TMEM39B: variants seen among roughly 807,000 people sequenced by gnomAD.
TMEM39B encodes the protein transmembrane protein 39B.
TMEM39B carries 23 observed loss-of-function variants against 52.2 expected under a neutral mutation model. The observed-to-expected ratio is 0.44, with a 90% CI of 0.32 to 0.62. The LOEUF is 0.62. TMEM39B is among the 20% of genes least tolerant of loss of function. TMEM39B has a pLI of 0.06. For synonymous variants in TMEM39B, 285 were observed against 264.0 expected, an observed-to-expected ratio of 1.08 and a Z score of -0.77; for missense variants, 547 against 642.0, an observed-to-expected ratio of 0.85 and a Z score of 1.60.
At chr1:32,092,073 G>C in intron 6 of TMEM39B, 62 bp downstream of exon 6, 13 of 1,482,490 alleles carry the variant, frequency 8.8e-6, no homozygotes, top group Non-Finnish European at 1.2e-5. Context: ...CTGCCTGCCC[G>C]ATGTGAGTTC....
At position 32,102,416 on chromosome 1, in the gene TMEM39B, C is replaced by T. The variant is rs370762447; in HGVS notation, c.1237-15C>T. On this transcript the variant is annotated splice_polypyrimidine_tract_variant and intron_variant, in intron 8 of 8. Coordinates refer to ENST00000336294, the MANE Select transcript of TMEM39B (RefSeq NM_018056.4). ...GGAGCACACCTTTTAGCCATGCCCACCCGCTTCCGGGCAGTTCTTTTTCAG... is the reference window on the plus strand; with the variant it reads ...GGAGCACACCTTTTAGCCATGCCCATCCGCTTCCGGGCAGTTCTTTTTCAG... 21 of 1,610,208 alleles carry T rather than the reference C, an allele frequency of 1.3e-5. No homozygotes were observed. Among genetic ancestry groups the T allele is most frequent in the Non-Finnish European group, 1.8e-5 (21 of 1,177,650 alleles).
At chr1:32,073,493 G>A (rs1339047895) in intron 1 of TMEM39B, 5 of 989,098 alleles carry the variant, frequency 5.1e-6, no homozygotes, top group Non-Finnish European at 6.1e-6. Context: ...TGGGCTGAGA[G>A]GGCTTTTATT....
At chr1:32,075,525 C>G (rs1569854265) in intron 2 of TMEM39B, 78 bp from the exon 3 acceptor site, 1 of 1,434,266 alleles carries the variant, frequency 7.0e-7, no homozygotes, top group East Asian at 2.5e-5. Context: ...GATCTTATCC[C>G]ACAATCCTTT....
intron 5 of TMEM39B, among the ~76,000 whole-genome samples, chr1:32,078,084 G>A (rs1639941419): frequency 6.6e-6 from 1 of 152,078 alleles, no homozygotes; most frequent in South Asian, 2.1e-4. Flanking sequence ...TGGTCTCTGG[G>A]AAGCTTCAGA....
rs1014203497 is a variant in TMEM39B at position 32,075,054 on chromosome 1, G to A, written c.108G>A (p.Val36=). 8 of 1,551,324 alleles carry A rather than the reference G, an allele frequency of 5.2e-6. No homozygotes were observed. The highest frequency in any genetic ancestry group is 6.1e-6 in the Non-Finnish European group (7 of 1,146,834). Reference sequence around the variant, plus strand: ...GAAGCCACACTTCCAGTGCATCGGTGACCAGTGTTCGTTCCCGCACCAGGT... The same window carrying A: ...GAAGCCACACTTCCAGTGCATCGGTAACCAGTGTTCGTTCCCGCACCAGGT... ...SSGSHTSSAS[V]TSVRSRTRSS... Residue 36 remains valine, a synonymous_variant, in exon 2 of 9, where the codon GTG becomes GTA. Transcript: ENST00000336294.
At chr1:32,088,763 G>A (rs904012084) in intron 5 of TMEM39B, among the ~76,000 whole-genome samples, 4 of 152,044 alleles carry the variant, frequency 2.6e-5, no homozygotes, top group African/African-American at 7.2e-5. Flanking sequence ...CAAAGCCAGC[G>A]AGATTCTTTA....
At chr1:32,086,046 G>A (rs1461300968) in intron 5 of TMEM39B, among the ~76,000 whole-genome samples, 2 of 152,064 alleles carry the variant, frequency 1.3e-5, no homozygotes, top group African/African-American at 2.4e-5. Flanking sequence ...GCCTCCGTAG[G>A]CCAGAAAGGG....
At chr1:32,072,732 G>C (rs911855513), upstream of TMEM39B, among the ~76,000 whole-genome samples, 2 of 152,252 alleles carry the variant, frequency 1.3e-5, no homozygotes, top group African/African-American at 4.8e-5. Flanking sequence ...GATGCTGAGA[G>C]AAGACACGCA....
At position 32,075,831 on chromosome 1, in the gene TMEM39B, C is replaced by A. The variant is rs1181936889; in HGVS notation, c.351+9C>A. On this transcript the variant is annotated intron_variant, in intron 3 of 8. Transcript: ENST00000336294. Reference sequence around the variant, plus strand: ...CCTCCCACACCTCCCTGGTAGGTACCCAACAAGGGTGTGTGTGTGTGTGTG... The same window carrying A: ...CCTCCCACACCTCCCTGGTAGGTACACAACAAGGGTGTGTGTGTGTGTGTG... 1.4e-6 allele frequency: 2 copies of A among 1,447,240 alleles called. No homozygotes were observed. Among genetic ancestry groups the A allele is most frequent in the East Asian group, 2.5e-5 (1 of 39,884 alleles). 89.6% of individuals were successfully genotyped at this position (1,447,240 alleles called of 1,614,324 possible).
At chr1:32,090,385 G>A (rs182616962) in intron 5 of TMEM39B, among the ~76,000 whole-genome samples, 11 of 152,098 alleles carry the variant, frequency 7.2e-5, no homozygotes, top group African/African-American at 9.6e-5. Flanking sequence ...TTCCTGAACC[G>A]CCCTCTGCAA....
rs879536379 is a variant in TMEM39B, at chr1:32,094,801, C to T, written c.945C>T (p.Asp315=). 5.0e-6 allele frequency: 8 copies of T among 1,614,136 alleles called. No homozygotes were observed. The highest frequency in any genetic ancestry group is 6.8e-6 in the Non-Finnish European group (8 of 1,180,058). Residue 315 remains aspartate (D), a synonymous_variant, in exon 7 of 9, where the codon GAC becomes GAT. Transcript: ENST00000336294. ...VWFVKNTHYY[D]KRWSCELFLL... ...ACCCCCAGAACACACATTACTATGA[C>T]AAGCGCTGGTCCTGTGAACTCTTCC...
rs975530076 is a variant in TMEM39B at position 32,096,576 on chromosome 1, C to T, written c.1115+1605C>T. ...CTGGATTCAAGCGATTCTCCTGCCTCGGGCCTCCCAAGTAGCTGGGATTAC... is the reference window on the plus strand; with the variant it reads ...CTGGATTCAAGCGATTCTCCTGCCTTGGGCCTCCCAAGTAGCTGGGATTAC... On this transcript the variant is annotated intron_variant, in intron 7 of 8. Coordinates refer to ENST00000336294, the MANE Select transcript of TMEM39B (RefSeq NM_018056.4). Among the ~76,000 whole-genome samples, 6 of 150,318 alleles carry T rather than the reference C, an allele frequency of 4.0e-5. No homozygotes were observed. In the South Asian group the frequency reaches 6.3e-4, roughly 16 times the overall value.
rs1477656833 is a variant in TMEM39B, at chr1:32,077,160, C to T, written c.436-4C>T. 1 of 1,614,086 alleles carries T rather than the reference C, an allele frequency of 6.2e-7. No individual in the cohort carries two copies. Among genetic ancestry groups the T allele is most frequent in the Admixed American group, 1.7e-5 (1 of 59,994 alleles). On this transcript the variant is annotated splice_polypyrimidine_tract_variant and splice_region_variant and intron_variant, in intron 4 of 8. Coordinates refer to ENST00000336294, the MANE Select transcript of TMEM39B (RefSeq NM_018056.4). ...CCATCCCGTCCTATCTTGCCCCGACCCAGGCCTCTCAGAGGGGGAAGGTCT... is the reference window on the plus strand; with the variant it reads ...CCATCCCGTCCTATCTTGCCCCGACTCAGGCCTCTCAGAGGGGGAAGGTCT...
Position 32,091,779 on chromosome 1 carries a change from T to C in TMEM39B, c.695T>C (p.Leu232Pro). 1 of 1,614,198 alleles carries C rather than the reference T, an allele frequency of 6.2e-7. No homozygotes were observed. Among genetic ancestry groups the C allele is most frequent in the Non-Finnish European group, 8.5e-7 (1 of 1,180,040 alleles). ...GGGCCCCGGGAGGCGGTCAGTGGCC[T>C]GGCAAAGAGCCGGGACTACCTCCTG... The part of the protein sequence containing the change: ...SMGPREAVSG[L>P]AKSRDYLLTL... The change falls in exon 6 of 9, where the codon CTG becomes CCG. Residue 232 changes from leucine to proline, a missense_variant. Physicochemically the swap from Leu to Pro is moderately conservative, Grantham distance 98 (BLOSUM62 -3). Transcript: ENST00000336294.
intron 6 of TMEM39B, among the ~76,000 whole-genome samples, chr1:32,092,422 T>G (rs913580580): frequency 6.6e-6 from 1 of 152,164 alleles, no homozygotes; most frequent in Non-Finnish European, 1.5e-5. Flanking sequence ...CTTCCCAAAG[T>G]GTTGGGATTA....
At chr1:32,079,958 G>A (rs1208608800) in intron 5 of TMEM39B, among the ~76,000 whole-genome samples, 1 of 151,838 alleles carries the variant, frequency 6.6e-6, no homozygotes, top group Non-Finnish European at 1.5e-5. Flanking sequence ...TAGTAGAGAT[G>A]GGGTTTCTCC....
rs753416444 is a variant in TMEM39B at position 32,094,907 on chromosome 1, G to A, written c.1051G>A (p.Ala351Thr). 1.2e-5 allele frequency: 19 copies of A among 1,613,772 alleles called. No homozygotes were observed. Among genetic ancestry groups the A allele is most frequent in the Non-Finnish European group, 1.4e-5 (16 of 1,180,048 alleles). The change falls in exon 7 of 9, where the codon GCC becomes ACC. Residue 351 changes from alanine to threonine, a missense_variant. Transcript: ENST00000336294. ...CTACTGTGACCTGCTGCACAAGGCCGCCGCCCATCTGGGCTGTTGGCAGAA... is the reference window on the plus strand; with the variant it reads ...CTACTGTGACCTGCTGCACAAGGCCACCGCCCATCTGGGCTGTTGGCAGAA... ...ASYCDLLHKA[A>T]AHLGCWQKVD...
At chr1:32,072,499 A>T (rs1639684304), upstream of TMEM39B, 1 of 153,844 alleles carries the variant, frequency 6.5e-6, no homozygotes, top group Non-Finnish European at 1.5e-5. Flanking sequence ...AGGCTCACAA[A>T]GACTAAGGCA....
intron 5 of TMEM39B, among the ~76,000 whole-genome samples, chr1:32,083,408 T>A (rs1371273828): frequency 1.5e-5 from 2 of 134,128 alleles, no homozygotes; most frequent in East Asian, 4.4e-4. Context: ...TTAAAGGACT[T>A]CTTTTTTTTT....
Sources: allele counts gnomAD v4.1 joint callset (sites outside exome capture counted in the v4.1 genomes callset), GRCh38; gene constraint gnomAD v4.1.1; transcripts MANE v1.5; gene names NCBI Gene and HGNC (gene_info 2026-07-23, HGNC 2026-07-21).